Variants in ITPKC observed in about 807,000 individuals in gnomAD.
The protein encoded by ITPKC is inositol-trisphosphate 3-kinase C, also known as IP3 3-kinase C.
In ITPKC, 33 loss-of-function variants were observed where a neutral mutation model predicts 67.1. The observed-to-expected ratio is 0.49, with a 90% CI of 0.37 to 0.66. The LOEUF (loss-of-function observed/expected upper bound fraction) is 0.66, where lower values mean the gene tolerates loss of function less well. Among genes scored for constraint, ITPKC ranks in the 30% least tolerant of loss-of-function variants. The pLI is 0.00. For synonymous variants in ITPKC, 341 were observed against 359.8 expected (o/e 0.95, Z 0.59); for missense variants, 820 against 892.1 (o/e 0.92, Z 1.03).
chr19:40,737,634 G>A, intron 5 of ITPKC, 64 bp from the exon 6 acceptor site: 1 of 1,431,216 alleles, frequency 7.0e-7, no homozygotes, highest in South Asian at 1.1e-5. Flanking sequence ...TGAGGTCAGA[G>A]CTCAAGGTGG....
intron 2 of ITPKC, among the ~76,000 whole-genome samples, chr19:40,726,024 T>C (rs1856994398): frequency 2.0e-5 from 3 of 152,022 alleles, no homozygotes; most frequent in Non-Finnish European, 2.9e-5. Context: ...GTGGATCCCC[T>C]GAGGTCAGGA....
Position 40,717,331 on chromosome 19 carries a change from A to G in ITPKC, c.196A>G (p.Ser66Gly), listed in dbSNP as rs753022679. 64 of 1,601,234 alleles carry G rather than the reference A, an allele frequency of 4.0e-5. No individual in the cohort carries two copies. The South Asian group carries it at 6.1e-4, about 15-fold the overall frequency. Residue 66 changes from serine to glycine, a missense_variant, in exon 1 of 7, where the codon AGC becomes GGC. By Grantham distance (56) the Ser-to-Gly change is moderately conservative. Coordinates refer to ENST00000263370, the MANE Select transcript of ITPKC (RefSeq NM_025194.3). ...GGPWARTEGS[S>G]LHSEPERAGL... ...GCCCTGGGCCCGGACAGAGGGGTCC[A>G]GCCTCCACAGCGAGCCTGAGAGGGC...
intron 4 of ITPKC, 119 bp downstream of exon 4, chr19:40,733,483 C>G: frequency 1.1e-6 from 1 of 907,226 alleles, no homozygotes; most frequent in Admixed American, 2.8e-5. Flanking sequence ...AAGGCTGGGG[C>G]TGGGGAAGCC....
chr19:40,727,335 AAAAT>A (rs956664546), intron 2 of ITPKC, among the ~76,000 whole-genome samples: 29 of 150,306 alleles, frequency 1.9e-4, no homozygotes, highest in Middle Eastern at 6.8e-3. Flanking sequence ...CTCTGTCTCA[AAAAT>A]AAATAAATAA....
At chr19:40,724,650 T>A (rs1244219395) in intron 1 of ITPKC, among the ~76,000 whole-genome samples, 1 of 152,148 alleles carries the variant, frequency 6.6e-6, no homozygotes, top group Non-Finnish European at 1.5e-5. Flanking sequence ...AGATGGGGCT[T>A]CCAATATTTG....
intron 3 of ITPKC, among the ~76,000 whole-genome samples, chr19:40,731,657 C>T (rs1758474089): frequency 7.7e-6 from 1 of 129,046 alleles, no homozygotes; most frequent in African/African-American, 3.0e-5. Context: ...GGCTGGAATG[C>T]AGTGGCCTGA....
At chr19:40,722,017 A>G (rs922757824) in intron 1 of ITPKC, among the ~76,000 whole-genome samples, 1 of 149,506 alleles carries the variant, frequency 6.7e-6, no homozygotes, top group Non-Finnish European at 1.5e-5. Context: ...AAAAAAAATT[A>G]CTATTAAAAA....
At position 40,717,555 on chromosome 19, in the gene ITPKC, C is replaced by T; in HGVS notation, c.420C>T (p.Thr140=). Residue 140 remains threonine, a synonymous_variant, in exon 1 of 7, where the codon ACC becomes ACT. Coordinates refer to ENST00000263370, the MANE Select transcript of ITPKC (RefSeq NM_025194.3). ...AGACGACTTGTCTTTGGACGGAGAC[C>T]GGGACAGATGGCCTTTGGACTGATC... ...ELETTCLWTE[T]GTDGLWTDPH... is the part of the protein sequence containing the mutation. 1.2e-6 allele frequency: 2 copies of T among 1,614,078 alleles called. No individual in the cohort carries two copies. Among genetic ancestry groups the T allele is most frequent in the South Asian group, 1.1e-5 (1 of 91,088 alleles).
Position 40,717,751 on chromosome 19 carries a change from A to G in ITPKC, c.616A>G (p.Thr206Ala), listed in dbSNP as rs758228383. Reference protein sequence around the residue: ...WTHQNSSSLQTHPEGACPSKE... With the variant: ...WTHQNSSSLQAHPEGACPSKE... ...CCACCAGAACAGTTCCAGCCTCCAG[A>G]CTCACCCAGAAGGAGCCTGTCCCTC... Residue 206 changes from threonine to alanine, a missense_variant, in exon 1 of 7, where the codon ACT becomes GCT. Around this residue, in one of 2 missense-constraint regions of ITPKC, gnomAD observed 481 missense variants for 470.1 expected, o/e 1.02. Transcript: ENST00000263370. 5.6e-6 allele frequency: 9 copies of G among 1,613,636 alleles called. No individual in the cohort carries two copies. Among genetic ancestry groups the G allele is most frequent in the Non-Finnish European group, 6.8e-6 (8 of 1,179,902 alleles).
At chr19:40,733,613 C>T (rs2082281956) in intron 4 of ITPKC, among the ~76,000 whole-genome samples, 1 of 152,202 alleles carries the variant, frequency 6.6e-6, no homozygotes, top group Admixed American at 6.5e-5. Context: ...CTAGTCCAGC[C>T]CCATCTTCTC....
In ITPKC at chr19:40,718,107, G is replaced by A. The variant is rs1302594559; in HGVS notation, c.972G>A (p.Leu324=). 1 of 1,613,044 alleles carries A rather than the reference G, an allele frequency of 6.2e-7. No individual in the cohort carries two copies. The highest frequency in any genetic ancestry group is 1.7e-5 in the Admixed American group (1 of 60,020). The part of the protein sequence containing the change: ...HLYSHLKCSP[L]CPVPRLIITP... ...ACTCTCACCTGAAGTGTAGCCCCCT[G>A]TGCCCTGTGCCCCGCCTCATCATTA... is the stretch of plus-strand genomic sequence containing the variant. Residue 324 remains leucine, a synonymous_variant, in exon 1 of 7, where the codon CTG becomes CTA. Transcript: ENST00000263370.
chr19:40,721,300 C>T (rs1471075009), intron 1 of ITPKC, among the ~76,000 whole-genome samples: 1 of 151,410 alleles, frequency 6.6e-6, no homozygotes, highest in Non-Finnish European at 1.5e-5. Flanking sequence ...GAGGAAGGGG[C>T]ATATAAGCTG....
In ITPKC at chr19:40,726,275, T is replaced by C. The variant is rs1036956764; in HGVS notation, c.1255+836T>C. Among the ~76,000 whole-genome samples the C allele has an allele frequency of 4.0e-5, 6 of 151,354 alleles. No individual in the cohort carries two copies. In the South Asian group the frequency reaches 8.3e-4, roughly 21 times the overall value. ...AAAAGACTGAGGCACAGGACTCTTA[T>C]GAATGGAAATGATCACTCCTTGCCT... On this transcript the variant is annotated intron_variant, in intron 2 of 6. Coordinates refer to ENST00000263370, the MANE Select transcript of ITPKC (RefSeq NM_025194.3).
intron 1 of ITPKC, among the ~76,000 whole-genome samples, chr19:40,722,787 AT>A (rs2144735633): frequency 6.6e-6 from 1 of 151,760 alleles, no homozygotes; most frequent in South Asian, 2.1e-4. Context: ...TTTCTTTCTT[AT>A]TTTTTTGAGT....
At position 40,740,134 on chromosome 19, in the gene ITPKC, C is replaced by G. The variant is rs571176221; in HGVS notation, c.*574C>G. 1 of 154,448 alleles carries G rather than the reference C, an allele frequency of 6.5e-6. No homozygotes were observed. The highest frequency in any genetic ancestry group is 1.9e-4 in the East Asian group (1 of 5,194). 9.6% of individuals were successfully genotyped at this position (154,448 alleles called of 1,614,324 possible). ...GACAAGAGGCTCAGAGGGCATGACC[C>G]CATGGGACTGGATGCGGCCTGAGGG... On this transcript the variant is annotated 3_prime_UTR_variant, in exon 7 of 7. Transcript: ENST00000263370.
intron 4 of ITPKC, among the ~76,000 whole-genome samples, chr19:40,733,986 C>A (rs1207243961): frequency 6.6e-6 from 1 of 152,212 alleles, no homozygotes; most frequent in East Asian, 1.9e-4. Flanking sequence ...TCTCTCCCAA[C>A]TCTGCTGCTG....
At chr19:40,733,515 AC>A in intron 4 of ITPKC, 151 bp downstream of exon 4, 1 of 679,506 alleles carries the variant, frequency 1.5e-6, no homozygotes, top group Non-Finnish European at 2.5e-6. Context: ...TTACCTCCAT[AC>A]CCATCAGAGC....
chr19:40,738,014 C>T (rs1298688651), intron 6 of ITPKC, among the ~76,000 whole-genome samples: 2 of 149,224 alleles, frequency 1.3e-5, no homozygotes, highest in Admixed American at 6.7e-5. Flanking sequence ...AAAAAAAAGG[C>T]CGGGTGCAGT....
intron 1 of ITPKC, among the ~76,000 whole-genome samples, chr19:40,722,689 A>G (rs1033548252): frequency 2.6e-5 from 4 of 152,208 alleles, no homozygotes; most frequent in African/African-American, 9.7e-5. Context: ...CATGAATCAG[A>G]CACTAACCCT....
Sources: allele counts gnomAD v4.1 joint callset (sites outside exome capture counted in the v4.1 genomes callset), GRCh38; gene constraint gnomAD v4.1.1; regional missense constraint gnomAD v4.1.1; transcripts MANE v1.5; gene names NCBI Gene and HGNC (gene_info 2026-07-23, HGNC 2026-07-21).